Variants in STK33 observed in about 807,000 individuals in gnomAD.
STK33 encodes the protein serine/threonine-protein kinase 33.
In STK33, 52 loss-of-function variants were observed where a neutral mutation model predicts 58.0. That is an observed-to-expected ratio of 0.90 (90% confidence interval 0.72 to 1.13). STK33 has a LOEUF of 1.13. Ranked by LOEUF, STK33 falls within the 50% of genes most tolerant of loss-of-function variation. STK33 has a pLI of 0.00. For synonymous variants in STK33, 215 were observed against 200.1 expected, an observed-to-expected ratio of 1.07 and a Z score of -0.63; for missense variants, 630 against 604.2, an observed-to-expected ratio of 1.04 and a Z score of -0.45.
the STK33 span, among the ~76,000 whole-genome samples, chr11:8,342,806 A>T: frequency 6.6e-6 from 1 of 152,228 alleles, no homozygotes; most frequent in Non-Finnish European, 1.5e-5. Context: ...TAATTGATAA[A>T]TATCATTACG....
the STK33 span, among the ~76,000 whole-genome samples, chr11:8,339,837 T>A: frequency 3.9e-5 from 6 of 152,110 alleles, no homozygotes; most frequent in Non-Finnish European, 5.9e-5. Flanking sequence ...GGGTCTCCTT[T>A]CCCATCTCCT....
In STK33 at chr11:8,547,626, T is replaced by C. The variant is rs528841080; in HGVS notation, c.-466+46457A>G. Reference sequence around the variant, plus strand: ...GTTCCTTATCTATTCTGGTTATGAATTCCTTGTGGATGGAGAGTTTGTAAA... The same window carrying C: ...GTTCCTTATCTATTCTGGTTATGAACTCCTTGTGGATGGAGAGTTTGTAAA... On this transcript the variant is annotated intron_variant, in intron 1 of 15. Transcript: ENST00000687296. 6.6e-5 allele frequency among the ~76,000 whole-genome samples: 10 copies of C among 152,358 alleles called. No individual in the cohort carries two copies. In the East Asian group the frequency reaches 1.5e-3, roughly 23 times the overall value.
chr11:8,363,858 T>G, the STK33 span, among the ~76,000 whole-genome samples: 1 of 152,192 alleles, frequency 6.6e-6, no homozygotes, highest in African/African-American at 2.4e-5. Context: ...CTGATGCAAT[T>G]TTAGACATCA....
intron 15 of STK33, among the ~76,000 whole-genome samples, chr11:8,405,603 G>C (rs756177395): frequency 6.6e-6 from 1 of 152,144 alleles, no homozygotes; most frequent in South Asian, 2.1e-4. Flanking sequence ...AGTGCTTTCT[G>C]TGTCTATGTT....
intron 1 of STK33, among the ~76,000 whole-genome samples, chr11:8,482,281 A>G (rs1256211453): frequency 6.6e-6 from 1 of 152,228 alleles, no homozygotes; most frequent in African/African-American, 2.4e-5. Flanking sequence ...GAACTACCCA[A>G]TAAGAAAAGG....
At chr11:8,422,101 C>T (rs1231968357) in intron 14 of STK33, among the ~76,000 whole-genome samples, 3 of 152,108 alleles carry the variant, frequency 2.0e-5, no homozygotes, top group African/African-American at 7.2e-5. Flanking sequence ...AAATCCTTCT[C>T]GCATTTCCTA....
the STK33 span, among the ~76,000 whole-genome samples, chr11:8,358,480 C>A: frequency 8.1e-4 from 123 of 152,348 alleles, 1 homozygote; most frequent in African/African-American, 2.9e-3. Flanking sequence ...CAAGGTCTAA[C>A]CGTCAGGCTG....
At chr11:8,382,502 G>C in the STK33 span, among the ~76,000 whole-genome samples, 1 of 152,232 alleles carries the variant, frequency 6.6e-6, no homozygotes, top group Admixed American at 6.5e-5. Context: ...AAAAGACTCA[G>C]ATTCCTGATA....
At chr11:8,492,770 A>T (rs1196763339) in intron 1 of STK33, among the ~76,000 whole-genome samples, 1 of 152,226 alleles carries the variant, frequency 6.6e-6, no homozygotes, top group Non-Finnish European at 1.5e-5. Context: ...GTGCAATCAA[A>T]TTAGAACTCA....
intron 1 of STK33, among the ~76,000 whole-genome samples, chr11:8,538,322 T>C (rs1351489257): frequency 6.6e-6 from 1 of 152,222 alleles, no homozygotes; most frequent in Non-Finnish European, 1.5e-5. Flanking sequence ...TACAATTATC[T>C]GAATTTTACA....
intron 4 of STK33, 148 bp downstream of exon 4, chr11:8,476,539 T>G (rs1374755852): frequency 6.6e-6 from 1 of 152,290 alleles, no homozygotes; most frequent in African/African-American, 2.4e-5. Flanking sequence ...TCTCAAGGCT[T>G]TGCCCTTCTG....
intron 1 of STK33, among the ~76,000 whole-genome samples, chr11:8,561,824 G>A (rs1035037077): frequency 6.6e-6 from 1 of 152,180 alleles, no homozygotes; most frequent in African/African-American, 2.4e-5. Flanking sequence ...AAGTGTAACT[G>A]AGCCTGAGGG....
At chr11:8,495,550 A>C (rs1325701662) in intron 1 of STK33, among the ~76,000 whole-genome samples, 1 of 152,206 alleles carries the variant, frequency 6.6e-6, no homozygotes, top group Non-Finnish European at 1.5e-5. Context: ...TGATTCCTCA[A>C]GGATCTAGAA....
chr11:8,365,312 G>A, the STK33 span, among the ~76,000 whole-genome samples: 1 of 152,118 alleles, frequency 6.6e-6, no homozygotes, highest in African/African-American at 2.4e-5. Flanking sequence ...ACCCTCATGA[G>A]GGGGCTAGGA....
intron 14 of STK33, among the ~76,000 whole-genome samples, chr11:8,428,063 A>G (rs1408177098): frequency 6.6e-6 from 1 of 151,944 alleles, no homozygotes; most frequent in African/African-American, 2.4e-5. Context: ...CCACTAAGCA[A>G]CTCCTCAGTT....
chr11:8,404,027 A>G (rs1293689279), intron 15 of STK33, among the ~76,000 whole-genome samples: 1 of 152,246 alleles, frequency 6.6e-6, no homozygotes, highest in Non-Finnish European at 1.5e-5. Flanking sequence ...ATAGGCCTGC[A>G]CAAGGTCCAA....
At chr11:8,523,382 T>C (rs1468306865) in intron 1 of STK33, among the ~76,000 whole-genome samples, 1 of 138,604 alleles carries the variant, frequency 7.2e-6, no homozygotes. Flanking sequence ...GTCTGGGATG[T>C]GGGAAGCGCC....
intron 14 of STK33, among the ~76,000 whole-genome samples, chr11:8,426,317 C>T (rs1942743533): frequency 6.6e-6 from 1 of 152,186 alleles, no homozygotes; most frequent in Non-Finnish European, 1.5e-5. Flanking sequence ...GCCTGCTGGC[C>T]CTATGCCGCG....
chr11:8,382,519 T>A, the STK33 span, among the ~76,000 whole-genome samples: 1 of 152,158 alleles, frequency 6.6e-6, no homozygotes, highest in South Asian at 2.1e-4. Flanking sequence ...GATAGTAGCA[T>A]GGGGAGAGAG....
Sources: gnomAD v4.1 joint callset for allele counts (sites outside exome capture counted in the v4.1 genomes callset) on GRCh38, gnomAD v4.1.1 for gene constraint, MANE v1.5 for transcripts, NCBI Gene and HGNC (gene_info 2026-07-23, HGNC 2026-07-21) for gene names.